The following ZMIZ1 variants were observed in gnomAD, a reference collection of about 807,000 sequenced individuals.
ZMIZ1 encodes zinc finger MIZ-type containing 1.
ZMIZ1 carries 17 observed loss-of-function variants against 113.9 expected under a neutral mutation model. That is an observed-to-expected ratio of 0.15 (90% CI 0.10 to 0.22). ZMIZ1 has a LOEUF of 0.22. ZMIZ1 is among the 10% of genes least tolerant of loss of function. The probability of loss-of-function intolerance (pLI) is 1.00; values close to 1 mark genes in which losing one functional copy is unlikely to be tolerated. For missense variants in ZMIZ1, 1,059 were observed against 1,477.8 expected (o/e 0.72, Z 4.65); for synonymous variants, 607 against 603.1 (o/e 1.01, Z -0.09).
intron 1 of ZMIZ1, among the ~76,000 whole-genome samples, chr10:79,070,536 C>G (rs1842232834): frequency 6.6e-6 from 1 of 152,110 alleles, no homozygotes; most frequent in African/African-American, 2.4e-5. Flanking sequence ...GGCAGCCGGT[C>G]CGGGCCCCCC....
chr10:79,102,251 T>C (rs1843392264), intron 1 of ZMIZ1, among the ~76,000 whole-genome samples: 1 of 152,226 alleles, frequency 6.6e-6, no homozygotes, highest in South Asian at 2.1e-4. Context: ...ACGCAGCCTG[T>C]AGCCCCTCTC....
chr10:79,183,076 C>T (rs1385466698), intron 4 of ZMIZ1, among the ~76,000 whole-genome samples: 1 of 152,194 alleles, frequency 6.6e-6, no homozygotes, highest in Non-Finnish European at 1.5e-5. Flanking sequence ...CCTAGGTTGG[C>T]ACCCAATCCC....
At chr10:79,229,965 G>A (rs890697280) in intron 7 of ZMIZ1, among the ~76,000 whole-genome samples, 5 of 152,162 alleles carry the variant, frequency 3.3e-5, no homozygotes, top group African/African-American at 1.2e-4. Flanking sequence ...TCTTTCCCAG[G>A]TGAGGAAACT....
chr10:79,282,806 CCT>C (rs1181848332), intron 8 of ZMIZ1, among the ~76,000 whole-genome samples: 1 of 152,186 alleles, frequency 6.6e-6, no homozygotes, highest in Non-Finnish European at 1.5e-5. Context: ...AGGCTCACTC[CCT>C]GTTTTGTCCT....
chr10:79,103,902 G>A (rs1843460087), intron 1 of ZMIZ1, among the ~76,000 whole-genome samples: 1 of 152,258 alleles, frequency 6.6e-6, no homozygotes, highest in African/African-American at 2.4e-5. Context: ...CAAGTTGGAA[G>A]GTGGTCTGTC....
chr10:79,237,287 ATT>A lies in ZMIZ1; in HGVS notation c.280+21016_280+21017del, dbSNP rs536437943. ...GGGGGGCTCAGCCACAAGGACTTGC[ATT>A]TTACACCAACGGGGCCAGAGCAACA... On this transcript the variant is annotated intron_variant, in intron 7 of 24. Coordinates refer to ENST00000334512, the MANE Select transcript of ZMIZ1 (RefSeq NM_020338.4). Among the ~76,000 whole-genome samples, 776 of 152,338 alleles carry A rather than the reference ATT, an allele frequency of 5.1e-3. 5 individuals are homozygous for A. The highest frequency in any genetic ancestry group is 8.5e-3 in the Non-Finnish European group (578 of 68,028).
chr10:79,202,783 C>A (rs192804533), intron 5 of ZMIZ1, among the ~76,000 whole-genome samples: 3 of 152,240 alleles, frequency 2.0e-5, no homozygotes, highest in Non-Finnish European at 4.4e-5. Context: ...CACAGACCCA[C>A]GAATGTTATT....
At chr10:79,234,587 A>G (rs1050178962) in intron 7 of ZMIZ1, among the ~76,000 whole-genome samples, 1 of 152,262 alleles carries the variant, frequency 6.6e-6, no homozygotes, top group Admixed American at 6.5e-5. Context: ...GTGAATATCC[A>G]TTAGTCATGC....
rs115828140 is a variant in ZMIZ1 at position 79,264,790 on chromosome 10, G to A, written c.281-12391G>A. Among the ~76,000 whole-genome samples the A allele has an allele frequency of 5.5e-3, 837 of 152,332 alleles. 6 individuals are homozygous for A. The highest frequency in any genetic ancestry group is 0.019 in the African/African-American group (797 of 41,570). ...GAGCTGTTCTCAGCTAAAAGTGCAT[G>A]GTAGGACTAAGGGGGCACTTTGCAG... On this transcript the variant is annotated intron_variant, in intron 7 of 24. Coordinates refer to ENST00000334512, the MANE Select transcript of ZMIZ1 (RefSeq NM_020338.4).
chr10:79,240,220 T>C (rs1749850), intron 7 of ZMIZ1, among the ~76,000 whole-genome samples: 91,337 of 152,194 alleles, frequency 0.6, 27,751 homozygotes, highest in East Asian at 0.8. Context: ...GTCATTCCCC[T>C]GGGGCTATGC....
rs1269058947 is a variant in ZMIZ1, at chr10:79,293,919, G to C, written c.1230+266G>C. 5.3e-6 allele frequency: 3 copies of C among 570,394 alleles called. No individual in the cohort carries two copies. The African/African-American group carries it at 5.6e-5, about 11-fold the overall frequency. The allele number at this position is 570,394 out of a possible 1,614,324, so 35.3% of individuals were successfully genotyped here. A position where few individuals can be genotyped will look rare whatever the true frequency, so the allele number is the denominator to read the frequency against. ...CCGTGAAGTGCTTGGCCCTGGGCTG[G>C]CATGTGCCGCCACTCAGCAAGCAGC... On this transcript the variant is annotated intron_variant, in intron 12 of 24. Transcript: ENST00000334512.
chr10:79,254,661 C>T (rs1850766788), intron 7 of ZMIZ1, among the ~76,000 whole-genome samples: 1 of 152,224 alleles, frequency 6.6e-6, no homozygotes, highest in Non-Finnish European at 1.5e-5. Flanking sequence ...CGTGATATTC[C>T]ATGCCATGGG....
At chr10:79,099,014 C>T (rs540409138) in intron 1 of ZMIZ1, among the ~76,000 whole-genome samples, 7 of 152,286 alleles carry the variant, frequency 4.6e-5, no homozygotes, top group African/African-American at 7.2e-5. Flanking sequence ...ACCATGTTGG[C>T]GGCAGATTCC....
At chr10:79,238,641 C>T (rs1849691449) in intron 7 of ZMIZ1, among the ~76,000 whole-genome samples, 1 of 152,192 alleles carries the variant, frequency 6.6e-6, no homozygotes, top group African/African-American at 2.4e-5. Flanking sequence ...ACTGTGTGAC[C>T]TGGAGGTCAC....
chr10:79,208,464 T>C lies in ZMIZ1; in HGVS notation c.174+15T>C, dbSNP rs1173401713. ...GCTGTTTGACGGTGAGTCTGCACCCTGTCCGCCTGCATTCCTGCCCAGGAA... is the reference window on the plus strand; with the variant it reads ...GCTGTTTGACGGTGAGTCTGCACCCCGTCCGCCTGCATTCCTGCCCAGGAA... On this transcript the variant is annotated intron_variant, in intron 6 of 24. Coordinates refer to ENST00000334512, the MANE Select transcript of ZMIZ1 (RefSeq NM_020338.4). 17 of 1,605,130 alleles carry C rather than the reference T, an allele frequency of 1.1e-5. No homozygotes were observed. The highest frequency in any genetic ancestry group is 1.7e-5 in the Admixed American group (1 of 59,778).
At chr10:79,117,446 T>G (rs1844091093) in intron 1 of ZMIZ1, among the ~76,000 whole-genome samples, 1 of 152,206 alleles carries the variant, frequency 6.6e-6, no homozygotes, top group Admixed American at 6.5e-5. Context: ...ACCCGTAGTG[T>G]TGTTGGATGA....
At chr10:79,279,146 G>A (rs1363645377) in intron 8 of ZMIZ1, among the ~76,000 whole-genome samples, 2 of 151,618 alleles carry the variant, frequency 1.3e-5, no homozygotes, top group Non-Finnish European at 2.9e-5. Flanking sequence ...GCCGGACGGG[G>A]GCTGCCCCCG....
chr10:79,193,558 TG>T (rs1847696812), intron 4 of ZMIZ1, among the ~76,000 whole-genome samples: 1 of 152,212 alleles, frequency 6.6e-6, no homozygotes, highest in Non-Finnish European at 1.5e-5. Context: ...GAGTACCTGC[TG>T]AGTACGGAGC....
intron 1 of ZMIZ1, among the ~76,000 whole-genome samples, chr10:79,109,348 A>T (rs1178156563): frequency 6.6e-6 from 1 of 152,166 alleles, no homozygotes. Flanking sequence ...CCACACTCAC[A>T]TCCTTGCGTG....
Sources: gnomAD v4.1 joint callset for allele counts (sites outside exome capture counted in the v4.1 genomes callset) on GRCh38, gnomAD v4.1.1 for gene constraint, MANE v1.5 for transcripts, NCBI Gene and HGNC (gene_info 2026-07-23, HGNC 2026-07-21) for gene names.